Variants in CCDC158 observed in about 807,000 individuals in gnomAD.
CCDC158 encodes the protein coiled-coil domain containing 158, also known as coiled-coil domain-containing protein 158.
A neutral mutation model predicts 138.6 loss-of-function variants in CCDC158; 116 were observed. The observed-to-expected ratio is 0.84, with a 90% CI of 0.72 to 0.98. The LOEUF is 0.98. Among genes scored for constraint, CCDC158 ranks in the 50% least tolerant of loss-of-function variants. The pLI is 0.00. For synonymous variants in CCDC158, 436 were observed against 442.4 expected, an observed-to-expected ratio of 0.99 and a Z score of 0.18; for missense variants, 1,265 against 1,306.1, an observed-to-expected ratio of 0.97 and a Z score of 0.48.
chr4:76,362,404 AT>A, intron 12 of CCDC158, 89 bp from the exon 13 acceptor site: 2 of 859,898 alleles, frequency 2.3e-6, no homozygotes, highest in Non-Finnish European at 3.5e-6. Flanking sequence ...CAGTCCTAAA[AT>A]CTGACAACAG....
intron 9 of CCDC158, among the ~76,000 whole-genome samples, chr4:76,377,615 C>A (rs1725836554): frequency 6.6e-6 from 1 of 152,146 alleles, no homozygotes; most frequent in Non-Finnish European, 1.5e-5. Context: ...TGCTATAAAT[C>A]ATCAGGGGAA....
chr4:76,330,897 T>C (rs1720947836), intron 21 of CCDC158, among the ~76,000 whole-genome samples: 1 of 152,180 alleles, frequency 6.6e-6, no homozygotes, highest in Non-Finnish European at 1.5e-5. Context: ...ATTCACTGTA[T>C]TTTGATCAGG....
In CCDC158 at chr4:76,357,368, G is replaced by T. The variant is rs753679663; in HGVS notation, c.2173+6C>A. On this transcript the variant is annotated splice_donor_region_variant and intron_variant, in intron 14 of 24. Transcript: ENST00000682701. ...AAGAAAAAATTTTAAATCTAACAGA[G>T]CATACCATGACCATCAGATCCTTCC... 6.6e-7 allele frequency: 1 copy of T among 1,508,878 alleles called. No homozygotes were observed. Among genetic ancestry groups the T allele is most frequent in the Non-Finnish European group, 8.8e-7 (1 of 1,132,036 alleles). 93.5% of individuals were successfully genotyped at this position (1,508,878 alleles called of 1,614,324 possible).
intron 18 of CCDC158, chr4:76,344,928 GC>G: frequency 6.5e-7 from 1 of 1,529,184 alleles, no homozygotes; most frequent in Non-Finnish European, 9.1e-7. Context: ...ATGTTTGGTG[GC>G]TTCTTCAAAA....
intron 24 of CCDC158, among the ~76,000 whole-genome samples, chr4:76,318,889 G>A (rs1448655168): frequency 6.6e-6 from 1 of 152,192 alleles, no homozygotes; most frequent in Non-Finnish European, 1.5e-5. Context: ...CAGCACTTTG[G>A]GAGGCCAAGG....
chr4:76,375,915 T>G (rs1725675168), intron 9 of CCDC158, among the ~76,000 whole-genome samples: 1 of 152,240 alleles, frequency 6.6e-6, no homozygotes, highest in Non-Finnish European at 1.5e-5. Context: ...AGACCTGTCA[T>G]GTCATCAATT....
In CCDC158 at chr4:76,418,595, G is replaced by A. The variant is rs189713625; in HGVS notation, c.-117+2370C>T. 3.2e-4 allele frequency among the ~76,000 whole-genome samples: 49 copies of A among 152,288 alleles called. 1 individual carries two copies. The South Asian group carries it at 7.5e-3, about 23-fold the overall frequency. ...GAGGCCTCACGATCATGGAGGAAGAGCAAGGGAAGTCTTATGTGGCGGCAG... is the reference window on the plus strand; with the variant it reads ...GAGGCCTCACGATCATGGAGGAAGAACAAGGGAAGTCTTATGTGGCGGCAG... On this transcript the variant is annotated intron_variant, in intron 1 of 24. Transcript: ENST00000682701.
intron 2 of CCDC158, among the ~76,000 whole-genome samples, 155 bp from the exon 3 acceptor site, chr4:76,403,435 A>T (rs998487022): frequency 1.2e-4 from 18 of 152,222 alleles, no homozygotes; most frequent in African/African-American, 4.3e-4. Flanking sequence ...ATTACATAAA[A>T]TTAATAAGTG....
rs768568559 is a variant in CCDC158 at position 76,362,320 on chromosome 4, A to G, written c.1831-5T>C. 4.9e-5 allele frequency: 78 copies of G among 1,600,684 alleles called. No homozygotes were observed. Among genetic ancestry groups the G allele is most frequent in the Admixed American group, 1.2e-4 (7 of 59,278 alleles). ...ATCTTTTTTATCTTTTAATATCTAA[A>G]TATATGGATAAATACAAAGGATAGA... On this transcript the variant is annotated splice_region_variant and splice_polypyrimidine_tract_variant and intron_variant, in intron 12 of 24. Coordinates refer to ENST00000682701, the MANE Select transcript of CCDC158 (RefSeq NM_001394954.1).
chr4:76,367,536 AT>A lies in CCDC158; in HGVS notation c.1587del (p.Lys529AsnfsTer8). ...ITKLRSRVDLKLQELQHLKNE... is the reference protein window; with the variant it reads ...ITKLRSRVDLXLQELQHLKNE... ...TTTTTCAAGTGTTGCAGCTCCTGCA[AT>A]TTCAAGTCCACCCGGGAGCGGAGCT... On this transcript the variant is annotated frameshift_variant, in exon 12 of 25. Transcript: ENST00000682701. LOFTEE classifies it high-confidence loss of function. The A allele has an allele frequency of 6.2e-7, 1 of 1,613,938 alleles. No homozygotes were observed. The highest frequency in any genetic ancestry group is 8.5e-7 in the Non-Finnish European group (1 of 1,180,030).
chr4:76,346,452 C>G (rs1178689378), intron 18 of CCDC158, among the ~76,000 whole-genome samples: 2 of 152,234 alleles, frequency 1.3e-5, no homozygotes, highest in Non-Finnish European at 2.9e-5. Flanking sequence ...TGGCTCACGC[C>G]TGTAATCCCA....
intron 1 of CCDC158, among the ~76,000 whole-genome samples, chr4:76,417,703 T>C (rs1269329540): frequency 6.6e-6 from 1 of 152,148 alleles, no homozygotes; most frequent in Non-Finnish European, 1.5e-5. Flanking sequence ...CTTAGCAGCA[T>C]GAAAACAGAC....
At chr4:76,375,673 C>T (rs1051144288) in intron 9 of CCDC158, 1 of 698,314 alleles carries the variant, frequency 1.4e-6, no homozygotes, top group Non-Finnish European at 2.6e-6. Flanking sequence ...TCTACTGGTC[C>T]AAATTCGTAA....
At chr4:76,385,231 A>AT (rs1215159673) in intron 4 of CCDC158, among the ~76,000 whole-genome samples, 1 of 152,204 alleles carries the variant, frequency 6.6e-6, no homozygotes. Context: ...TTGCCATCAG[A>AT]TTTTTTATTG....
intron 3 of CCDC158, chr4:76,402,177 G>A (rs1022809816): frequency 6.6e-6 from 1 of 152,228 alleles, no homozygotes; most frequent in African/African-American, 2.4e-5. Flanking sequence ...AAAAAAGAAT[G>A]AGGAGAGAGG....
At chr4:76,401,159 TA>T in intron 3 of CCDC158, 1 of 275,594 alleles carries the variant, frequency 3.6e-6, no homozygotes, top group Non-Finnish European at 7.2e-6. Flanking sequence ...GTGCAGAAAA[TA>T]GGTGTACTCT....
intron 24 of CCDC158, among the ~76,000 whole-genome samples, chr4:76,318,032 C>T (rs1719572756): frequency 6.6e-6 from 1 of 152,014 alleles, no homozygotes. Flanking sequence ...AAGTTAATAG[C>T]CTTAAATGCC....
intron 13 of CCDC158, among the ~76,000 whole-genome samples, chr4:76,360,916 A>G (rs975243562): frequency 6.6e-6 from 1 of 152,192 alleles, no homozygotes; most frequent in Non-Finnish European, 1.5e-5. Flanking sequence ...GGGACGGCCC[A>G]GGGGCAGAAT....
chr4:76,417,819 T>G (rs1729818241), intron 1 of CCDC158, among the ~76,000 whole-genome samples: 1 of 152,144 alleles, frequency 6.6e-6, no homozygotes, highest in Admixed American at 6.6e-5. Context: ...CAGGGATAAC[T>G]TCTTAAAAGA....
Sources: allele counts gnomAD v4.1 joint callset (sites outside exome capture counted in the v4.1 genomes callset), GRCh38; gene constraint gnomAD v4.1.1; transcripts MANE v1.5; gene names NCBI Gene and HGNC (gene_info 2026-07-23, HGNC 2026-07-21).